The following CADPS variants were observed in gnomAD, a reference collection of about 807,000 sequenced individuals.
CADPS encodes calcium-dependent secretion activator 1.
In CADPS, 57 loss-of-function variants were observed where a neutral mutation model predicts 167.3. That is an observed-to-expected ratio of 0.34 (90% confidence interval 0.28 to 0.42). CADPS has a LOEUF of 0.42. CADPS is among the 20% of genes least tolerant of loss of function. CADPS has a pLI of 1.00. For synonymous variants in CADPS, 676 were observed against 635.3 expected (o/e 1.06, Z -0.96); for missense variants, 1,414 against 1,738.1 (o/e 0.81, Z 3.32).
At chr3:62,619,488 C>T (rs1478855184) in intron 6 of CADPS, among the ~76,000 whole-genome samples, 6 of 152,096 alleles carry the variant, frequency 3.9e-5, no homozygotes, top group East Asian at 1.9e-4. Flanking sequence ...CAAGAAGATG[C>T]TCTCTGTTGA....
rs575347081 is a variant in CADPS, at chr3:62,545,199, C to A, written c.1966+4704G>T. 7.2e-5 allele frequency among the ~76,000 whole-genome samples: 11 copies of A among 152,138 alleles called. No homozygotes were observed. The South Asian group carries it at 2.3e-3, about 32-fold the overall frequency. ...TCATTGCAAGTGATATATTAAATAA[C>A]CATTGATCAAATGTCAAAGCTTAAA... On this transcript the variant is annotated intron_variant, in intron 11 of 29. Transcript: ENST00000383710.
In CADPS at chr3:62,612,700, T is replaced by C. The variant is rs139324076; in HGVS notation, c.1326-19952A>G. Among the ~76,000 whole-genome samples, 9 of 152,308 alleles carry C rather than the reference T, an allele frequency of 5.9e-5. No individual in the cohort carries two copies. The South Asian group carries it at 1.2e-3, about 21-fold the overall frequency. ...CACAAGATGAGAGCTGGAGCAGTGA[T>C]AGAGAATGGGAGACAAGAGGGAATT... On this transcript the variant is annotated intron_variant, in intron 6 of 29. Coordinates refer to ENST00000383710, the MANE Select transcript of CADPS (RefSeq NM_003716.4).
Position 62,412,015 on chromosome 3 carries a change from A to T in CADPS, c.3778-8830T>A, listed in dbSNP as rs76643989. ...AGCTTCAGGACGCGCAGCTAACAGC[A>T]CAAAGCTATAATCAGACACCAAAGC... On this transcript the variant is annotated intron_variant, in intron 28 of 29. Transcript: ENST00000383710. The surrounding 1 kb of genome is among the most constrained non-coding windows in gnomAD (Gnocchi z 4.1). Among the ~76,000 whole-genome samples the T allele has an allele frequency of 0.044, 6,774 of 152,276 alleles. 231 individuals carry two copies. Among genetic ancestry groups the T allele is most frequent in the South Asian group, 0.058 (279 of 4,828 alleles).
chr3:62,532,715 CTTTGTG>C (rs750448087), intron 13 of CADPS, among the ~76,000 whole-genome samples, 150 bp downstream of exon 13: 1,918 of 66,144 alleles, frequency 0.029, 26 homozygotes, highest in South Asian at 0.12. Context: ...AGTTAGTGCC[CTTTGTG>C]TGTGTGTGTG....
At chr3:62,406,391 C>T (rs182351028) in intron 28 of CADPS, among the ~76,000 whole-genome samples, 1 of 152,272 alleles carries the variant, frequency 6.6e-6, no homozygotes, top group Admixed American at 6.5e-5. Flanking sequence ...GATGGGAATG[C>T]AGCAGATTTG....
chr3:62,803,888 A>G (rs954003884), intron 1 of CADPS, among the ~76,000 whole-genome samples: 1 of 151,850 alleles, frequency 6.6e-6, no homozygotes, highest in Non-Finnish European at 1.5e-5. Context: ...TAGTCCCTCA[A>G]CAGATCCCAC....
chr3:62,774,048 G>A (rs1160348299), intron 1 of CADPS, among the ~76,000 whole-genome samples: 1 of 152,022 alleles, frequency 6.6e-6, no homozygotes, highest in Admixed American at 6.6e-5. Context: ...CATTGATTAA[G>A]ATGGGATTGT....
chr3:62,640,862 C>T (rs527465218), intron 6 of CADPS, among the ~76,000 whole-genome samples: 1 of 152,136 alleles, frequency 6.6e-6, no homozygotes, highest in Non-Finnish European at 1.5e-5. Context: ...GGACAACTTA[C>T]ATTATACAAA....
chr3:62,613,155 T>C (rs765735264), intron 6 of CADPS, among the ~76,000 whole-genome samples: 1 of 152,148 alleles, frequency 6.6e-6, no homozygotes, highest in Admixed American at 6.5e-5. Context: ...CTCTGTTCCC[T>C]CTTAGTGTAC....
intron 3 of CADPS, among the ~76,000 whole-genome samples, chr3:62,688,423 A>C (rs2078494820): frequency 6.6e-6 from 1 of 152,060 alleles, no homozygotes; most frequent in African/African-American, 2.4e-5. Flanking sequence ...GGAAGTGGTC[A>C]ATAAGTAGGA....
At chr3:62,748,703 T>C (rs1485411384) in intron 3 of CADPS, among the ~76,000 whole-genome samples, 2 of 152,172 alleles carry the variant, frequency 1.3e-5, no homozygotes, top group African/African-American at 2.4e-5. Context: ...ATTCTCAAAT[T>C]ATCTCACTTA....
intron 9 of CADPS, among the ~76,000 whole-genome samples, chr3:62,568,620 A>C (rs1413731846): frequency 6.6e-6 from 1 of 152,200 alleles, no homozygotes; most frequent in East Asian, 1.9e-4. Context: ...TTTCGGACTC[A>C]GAATAAGCCA....
chr3:62,562,464 A>G (rs1233067080), intron 9 of CADPS, among the ~76,000 whole-genome samples: 1 of 152,208 alleles, frequency 6.6e-6, no homozygotes, highest in Non-Finnish European at 1.5e-5. Flanking sequence ...GGATGATGAT[A>G]ACATCTGTGG....
chr3:62,686,587 G>C (rs1441687331), intron 3 of CADPS, among the ~76,000 whole-genome samples: 5 of 151,990 alleles, frequency 3.3e-5, no homozygotes, highest in Non-Finnish European at 7.4e-5. Context: ...CAGATCTGCA[G>C]ACAAGCAAAG....
At chr3:62,737,113 G>A (rs915415193) in intron 3 of CADPS, among the ~76,000 whole-genome samples, 2 of 151,946 alleles carry the variant, frequency 1.3e-5, no homozygotes, top group Non-Finnish European at 2.9e-5. Context: ...ACTCCAGCCT[G>A]GGCAACAGAG....
At chr3:62,485,091 A>G (rs2062602334) in intron 21 of CADPS, among the ~76,000 whole-genome samples, 1 of 152,112 alleles carries the variant, frequency 6.6e-6, no homozygotes, top group Admixed American at 6.6e-5. Flanking sequence ...AGATATATAG[A>G]ATATCTGTTT....
At chr3:62,558,924 A>G (rs1268904498) in intron 9 of CADPS, among the ~76,000 whole-genome samples, 1 of 152,254 alleles carries the variant, frequency 6.6e-6, no homozygotes, top group Non-Finnish European at 1.5e-5. Flanking sequence ...AGTAATCAAT[A>G]GCACACTCTT....
intron 3 of CADPS, among the ~76,000 whole-genome samples, chr3:62,747,097 A>G (rs989213692): frequency 1.3e-5 from 2 of 152,240 alleles, no homozygotes; most frequent in Admixed American, 1.3e-4. Context: ...CTGTATCCTC[A>G]GCATACAACA....
chr3:62,703,417 G>A (rs886913109), intron 3 of CADPS, among the ~76,000 whole-genome samples: 10 of 152,116 alleles, frequency 6.6e-5, no homozygotes, highest in Non-Finnish European at 1.0e-4. Flanking sequence ...CTAGTGTAGG[G>A]AATTGGCATT....
Sources: allele counts gnomAD v4.1 joint callset (sites outside exome capture counted in the v4.1 genomes callset), GRCh38; gene constraint gnomAD v4.1.1; non-coding constraint Gnocchi (gnomAD v3.1); transcripts MANE v1.5; gene names NCBI Gene and HGNC (gene_info 2026-07-23, HGNC 2026-07-21).